The following SETBP1 variants were observed in gnomAD, a reference collection of about 807,000 sequenced individuals.
The protein encoded by SETBP1 is SET-binding protein.
A neutral mutation model predicts 101.0 loss-of-function variants in SETBP1; 9 were observed. The observed-to-expected ratio is 0.09, with a 90% CI of 0.05 to 0.16. SETBP1 has a LOEUF of 0.16. Among genes scored for constraint, SETBP1 ranks in the 10% least tolerant of loss-of-function variants. The pLI, the probability that SETBP1 is intolerant of heterozygous loss-of-function variation, is 1.00. For synonymous variants in SETBP1, 818 were observed against 788.5 expected (o/e 1.04, Z -0.63); for missense variants, 1,858 against 2,033.8 (o/e 0.91, Z 1.66).
rs1204252364 is a variant in SETBP1 at position 45,065,509 on chromosome 18, G to C, written c.*1811G>C. ...CCTTAGAGAGAGATGGATTTTTGTT[G>C]GCAACATAAAAGAATAAGTGATGGG... On this transcript the variant is annotated 3_prime_UTR_variant, in exon 6 of 6. Coordinates refer to ENST00000649279, the MANE Select transcript of SETBP1 (RefSeq NM_015559.3). 6.6e-6 allele frequency: 1 copy of C among 152,106 alleles called. No individual in the cohort carries two copies. The highest frequency in any genetic ancestry group is 1.5e-5 in the Non-Finnish European group (1 of 68,012). 9.4% of individuals were successfully genotyped at this position (152,106 alleles called of 1,614,324 possible).
chr18:45,044,935 C>G (rs1380959219), intron 5 of SETBP1, among the ~76,000 whole-genome samples: 1 of 152,116 alleles, frequency 6.6e-6, no homozygotes, highest in Non-Finnish European at 1.5e-5. Flanking sequence ...ATCTCTTCTA[C>G]CAAACAAAAA....
chr18:44,992,163 A>G (rs1362633115), intron 4 of SETBP1, among the ~76,000 whole-genome samples: 1 of 152,122 alleles, frequency 6.6e-6, no homozygotes, highest in Non-Finnish European at 1.5e-5. Flanking sequence ...GAAAGGCTAA[A>G]ACAAGAAAGG....
intron 4 of SETBP1, among the ~76,000 whole-genome samples, chr18:45,036,382 C>A (rs2073399005): frequency 6.6e-6 from 1 of 151,684 alleles, no homozygotes; most frequent in Non-Finnish European, 1.5e-5. Context: ...CTCTTCCTTA[C>A]CAGTCTCTGA....
chr18:44,956,033 C>T (rs547296910), intron 4 of SETBP1, among the ~76,000 whole-genome samples: 1 of 152,274 alleles, frequency 6.6e-6, no homozygotes, highest in African/African-American at 2.4e-5. Context: ...TTATTTTTGC[C>T]ACTGCTTTGT....
At chr18:44,863,535 GTTCAACTTCCA>G (rs2069061761) in intron 2 of SETBP1, among the ~76,000 whole-genome samples, 1 of 152,170 alleles carries the variant, frequency 6.6e-6, no homozygotes, top group African/African-American at 2.4e-5. Flanking sequence ...GTGGGCCTGA[GTTCAACTTCCA>G]TTCTAGAGCC....
intron 2 of SETBP1, among the ~76,000 whole-genome samples, chr18:44,852,053 C>G (rs141586425): frequency 6.6e-6 from 1 of 152,192 alleles, no homozygotes; most frequent in Non-Finnish European, 1.5e-5. Flanking sequence ...ACCTCAGCAC[C>G]GAGGCATCCA....
At chr18:44,860,555 C>T (rs1272104073) in intron 2 of SETBP1, among the ~76,000 whole-genome samples, 1 of 152,080 alleles carries the variant, frequency 6.6e-6, no homozygotes, top group Non-Finnish European at 1.5e-5. Flanking sequence ...CAAGACCAGC[C>T]TGGCCAATGT....
intron 2 of SETBP1, among the ~76,000 whole-genome samples, chr18:44,838,088 G>A (rs1428294041): frequency 6.6e-6 from 1 of 152,138 alleles, no homozygotes; most frequent in Admixed American, 6.5e-5. Context: ...CAGGCTTAAG[G>A]ATTCTTCTAA....
intron 4 of SETBP1, among the ~76,000 whole-genome samples, chr18:44,969,391 G>A (rs79482051): frequency 9.2e-5 from 14 of 152,246 alleles, no homozygotes; most frequent in South Asian, 6.2e-4. Context: ...CTTTAGGAAC[G>A]CAGTGCCCTG....
intron 3 of SETBP1, among the ~76,000 whole-genome samples, chr18:44,882,295 C>T (rs184753339): frequency 6.6e-6 from 1 of 152,014 alleles, no homozygotes; most frequent in Non-Finnish European, 1.5e-5. Context: ...TCCATTTATA[C>T]CCTCAGTCCA....
At chr18:45,015,686 A>G (rs780225947) in intron 4 of SETBP1, among the ~76,000 whole-genome samples, 11 of 152,230 alleles carry the variant, frequency 7.2e-5, no homozygotes, top group Non-Finnish European at 1.3e-4. Flanking sequence ...ACCTTTATCA[A>G]TGTTTCACAC....
At chr18:44,747,260 T>A (rs2070276493) in intron 2 of SETBP1, among the ~76,000 whole-genome samples, 2 of 152,248 alleles carry the variant, frequency 1.3e-5, no homozygotes, top group Non-Finnish European at 2.9e-5. Flanking sequence ...TCATGTGGGT[T>A]AACAATCTCA....
chr18:45,038,995 T>A (rs375372286), intron 5 of SETBP1, among the ~76,000 whole-genome samples: 1 of 152,194 alleles, frequency 6.6e-6, no homozygotes, highest in Non-Finnish European at 1.5e-5. Context: ...TATATGTTAT[T>A]TCTTGTAACT....
chr18:44,699,374 G>T (rs1389696029), intron 1 of SETBP1, among the ~76,000 whole-genome samples: 1 of 152,202 alleles, frequency 6.6e-6, no homozygotes, highest in African/African-American at 2.4e-5. Context: ...TCCAACAGCT[G>T]GGGTGGTGCC....
rs747409981 is a variant in SETBP1, at chr18:44,950,414, C to T, written c.1074C>T (p.Ala358=). ...CAGACCTGGATTGGGTCAAGAATGC[C>T]CAGAAAGCATTTGACAATACAGAAG... ...PNPDLDWVKN[A]QKAFDNTEGK... The change falls in exon 4 of 6, where the codon GCC becomes GCT. Residue 358 remains alanine (A), a synonymous_variant. Transcript: ENST00000649279. 6.2e-7 allele frequency: 1 copy of T among 1,614,090 alleles called. No homozygotes were observed. Among genetic ancestry groups the T allele is most frequent in the South Asian group, 1.1e-5 (1 of 91,082 alleles).
intron 4 of SETBP1, among the ~76,000 whole-genome samples, chr18:45,024,641 A>G (rs150499617): frequency 0.01 from 1,582 of 152,350 alleles, 17 homozygotes; most frequent in Non-Finnish European, 0.018. Flanking sequence ...TCTTGCTACA[A>G]TGTAATGGCA....
chr18:45,038,396 C>T, intron 4 of SETBP1, 89 bp from the exon 5 acceptor site: 1 of 1,185,920 alleles, frequency 8.4e-7, no homozygotes, highest in Non-Finnish European at 1.3e-6. Context: ...AATCATTTGA[C>T]CATTTCCTCA....
In SETBP1 at chr18:44,701,392, G is replaced by T; in HGVS notation, c.46G>T (p.Glu16Ter). 1 of 1,554,736 alleles carries T rather than the reference G, an allele frequency of 6.4e-7. No homozygotes were observed. Among genetic ancestry groups the T allele is most frequent in the Non-Finnish European group, 8.7e-7 (1 of 1,147,824 alleles). Residue 16 changes from glutamate to a stop codon, truncating the protein, a stop_gained, in exon 2 of 6, where the codon GAG (glutamate) becomes TAG (stop). Coordinates refer to ENST00000649279, the MANE Select transcript of SETBP1 (RefSeq NM_015559.3). LOFTEE classifies it high-confidence loss of function. The stretch of plus-strand genomic sequence containing the variant: ...AAGCAGCTCCCGGCAAAGAGGGGGC[G>T]AGTCAGACTTCCTGCCGGTCTCCTC... ...TLSSSRQRGG[E>*]SDFLPVSSAK...
chr18:44,842,257 C>T (rs1273058163), intron 2 of SETBP1, among the ~76,000 whole-genome samples: 4 of 152,150 alleles, frequency 2.6e-5, no homozygotes, highest in African/African-American at 9.7e-5. Context: ...TAGCCTTTCC[C>T]CAGGAGGGCT....
Sources: gnomAD v4.1 joint callset for allele counts (sites outside exome capture counted in the v4.1 genomes callset) on GRCh38, gnomAD v4.1.1 for gene constraint, MANE v1.5 for transcripts, NCBI Gene and HGNC (gene_info 2026-07-23, HGNC 2026-07-21) for gene names.